PTPRT: variants seen among roughly 807,000 people sequenced by gnomAD.
PTPRT encodes protein tyrosine phosphatase receptor type T.
PTPRT carries 56 observed loss-of-function variants against 176.8 expected under a neutral mutation model. That is an observed-to-expected ratio of 0.32 (90% CI 0.26 to 0.40). The LOEUF (loss-of-function observed/expected upper bound fraction) is 0.40. Among genes scored for constraint, PTPRT ranks in the 10% least tolerant of loss-of-function variants. The pLI, the probability that PTPRT is intolerant of heterozygous loss-of-function variation, is 1.00. For synonymous variants in PTPRT, 783 were observed against 739.0 expected (o/e 1.06, Z -0.96); for missense variants, 1,540 against 1,908.2 (o/e 0.81, Z 3.60).
intron 7 of PTPRT, among the ~76,000 whole-genome samples, chr20:42,616,049 C>T (rs370751820): frequency 7.7e-6 from 1 of 130,556 alleles, no homozygotes; most frequent in African/African-American, 3.6e-5. Context: ...TAGGTTTTCT[C>T]CTAGGGTTTT....
chr20:42,229,544 G>A (rs1000156957), intron 15 of PTPRT, among the ~76,000 whole-genome samples: 1 of 152,176 alleles, frequency 6.6e-6, no homozygotes, highest in Non-Finnish European at 1.5e-5. Context: ...ATATATTGAA[G>A]CAATGATATC....
At chr20:43,114,742 T>C (rs1235293579) in intron 1 of PTPRT, among the ~76,000 whole-genome samples, 2 of 152,176 alleles carry the variant, frequency 1.3e-5, no homozygotes, top group Non-Finnish European at 2.9e-5. Flanking sequence ...GCTTACGTTC[T>C]GAGCCCTCAC....
chr20:42,350,309 C>T (rs886372672), intron 11 of PTPRT, among the ~76,000 whole-genome samples: 1 of 147,574 alleles, frequency 6.8e-6, no homozygotes, highest in African/African-American at 2.5e-5. Context: ...GTTCACTACA[C>T]TCTTGGTCTT....
At chr20:42,762,225 T>C (rs753972404) in intron 5 of PTPRT, among the ~76,000 whole-genome samples, 1 of 152,162 alleles carries the variant, frequency 6.6e-6, no homozygotes, top group Non-Finnish European at 1.5e-5. Context: ...TGGGGTGAGG[T>C]TTCCTTATCC....
At chr20:42,097,929 G>T (rs1442430935) in intron 27 of PTPRT, among the ~76,000 whole-genome samples, 1 of 152,312 alleles carries the variant, frequency 6.6e-6, no homozygotes, top group Admixed American at 6.5e-5. Context: ...GGGGAACAAA[G>T]GTCAACCGTG....
chr20:42,472,183 T>C, intron 8 of PTPRT, 83 bp downstream of exon 8: 1 of 1,450,462 alleles, frequency 6.9e-7, no homozygotes, highest in Non-Finnish European at 9.3e-7. Context: ...GTAGGAAAAA[T>C]AAAAGCCTCA....
intron 1 of PTPRT, among the ~76,000 whole-genome samples, chr20:42,912,270 G>A (rs1179464849): frequency 6.6e-6 from 1 of 152,092 alleles, no homozygotes; most frequent in Non-Finnish European, 1.5e-5. Context: ...GTGAACTGCA[G>A]AGGCCCATTA....
At chr20:42,164,422 A>T (rs1989739043) in intron 16 of PTPRT, among the ~76,000 whole-genome samples, 1 of 152,248 alleles carries the variant, frequency 6.6e-6, no homozygotes, top group Admixed American at 6.5e-5. Flanking sequence ...GAAATTTAAC[A>T]ACTTGTATTG....
chr20:42,782,645 C>CAT, intron 3 of PTPRT, among the ~76,000 whole-genome samples: 1 of 152,194 alleles, frequency 6.6e-6, no homozygotes, highest in East Asian at 1.9e-4. Flanking sequence ...CTTCCCATGT[C>CAT]ATACATCTCT....
intron 2 of PTPRT, among the ~76,000 whole-genome samples, chr20:42,882,290 C>G (rs1430337533): frequency 6.6e-6 from 1 of 152,214 alleles, no homozygotes; most frequent in African/African-American, 2.4e-5. Flanking sequence ...ACAGGCGCAT[C>G]ATGACAGAAT....
intron 9 of PTPRT, among the ~76,000 whole-genome samples, chr20:42,354,865 T>C (rs1293559312): frequency 6.6e-6 from 1 of 151,900 alleles, no homozygotes; most frequent in Non-Finnish European, 1.5e-5. Flanking sequence ...AGGAGAGAGG[T>C]CAGACGGTGC....
chr20:42,176,255 G>A (rs998767465), intron 16 of PTPRT, among the ~76,000 whole-genome samples: 2 of 152,114 alleles, frequency 1.3e-5, no homozygotes, highest in Non-Finnish European at 2.9e-5. Context: ...AGGTTCATCT[G>A]TCATGTCTTC....
intron 13 of PTPRT, among the ~76,000 whole-genome samples, chr20:42,266,717 G>A (rs922662355): frequency 2.6e-5 from 4 of 152,074 alleles, no homozygotes; most frequent in South Asian, 4.1e-4. Context: ...AGAGCAACAA[G>A]GAATAAAAGG....
At chr20:42,918,813 T>TTG (rs979287061) in intron 1 of PTPRT, among the ~76,000 whole-genome samples, 22 of 152,034 alleles carry the variant, frequency 1.4e-4, no homozygotes, top group African/African-American at 3.4e-4. Flanking sequence ...GCTTCGAGTT[T>TTG]TGTGTGTGTG....
At chr20:42,315,521 T>C (rs1400412566) in intron 12 of PTPRT, among the ~76,000 whole-genome samples, 1 of 152,196 alleles carries the variant, frequency 6.6e-6, no homozygotes, top group Non-Finnish European at 1.5e-5. Context: ...AACTTTACTG[T>C]TAAGCATCAA....
chr20:42,131,745 C>G (rs1462606140), intron 18 of PTPRT, among the ~76,000 whole-genome samples: 1 of 152,150 alleles, frequency 6.6e-6, no homozygotes, highest in Non-Finnish European at 1.5e-5. Context: ...TTAGTGGAGA[C>G]AGACTGTATG....
At chr20:43,059,161 G>T (rs1987357254) in intron 1 of PTPRT, among the ~76,000 whole-genome samples, 1 of 152,198 alleles carries the variant, frequency 6.6e-6, no homozygotes, top group South Asian at 2.1e-4. Flanking sequence ...AATAGCTCCT[G>T]GCTTCCGTTA....
chr20:42,508,905 A>T (rs1348195535), intron 7 of PTPRT, among the ~76,000 whole-genome samples: 2 of 144,556 alleles, frequency 1.4e-5, no homozygotes. Context: ...AAATATAAAT[A>T]ATATAATTTA....
chr20:42,178,642 C>T (rs1326937938), intron 16 of PTPRT, among the ~76,000 whole-genome samples: 1 of 152,184 alleles, frequency 6.6e-6, no homozygotes, highest in Non-Finnish European at 1.5e-5. Context: ...TGGTTGCAGC[C>T]TAGATGTGTA....
Sources: allele counts gnomAD v4.1 joint callset (sites outside exome capture counted in the v4.1 genomes callset), GRCh38; gene constraint gnomAD v4.1.1; transcripts MANE v1.5; gene names NCBI Gene and HGNC (gene_info 2026-07-23, HGNC 2026-07-21).